The following CNTNAP2 variants were observed in gnomAD, a reference collection of about 807,000 sequenced individuals.
The protein encoded by CNTNAP2 is contactin associated protein 2.
Under a neutral mutation model 155.2 loss-of-function variants are expected in CNTNAP2, and 98 were observed. The observed-to-expected ratio is 0.63, with a 90% CI of 0.54 to 0.75. The LOEUF is 0.75. Ranked by LOEUF, CNTNAP2 falls within the 30% of genes least tolerant of loss-of-function variation. The pLI is 0.00. For missense variants in CNTNAP2, 1,727 were observed against 1,688.1 expected, an observed-to-expected ratio of 1.02 and a Z score of -0.40; for synonymous variants, 651 against 631.2, an observed-to-expected ratio of 1.03 and a Z score of -0.47.
At chr7:146,981,824 T>C (rs1400594312) in intron 3 of CNTNAP2, among the ~76,000 whole-genome samples, 2 of 152,200 alleles carry the variant, frequency 1.3e-5, no homozygotes, top group Admixed American at 6.5e-5. Context: ...ATTAAGTAGA[T>C]GAAGATGGTA....
intron 11 of CNTNAP2, among the ~76,000 whole-genome samples, chr7:147,522,988 T>C (rs376408255): frequency 6.6e-6 from 1 of 152,274 alleles, no homozygotes; most frequent in Non-Finnish European, 1.5e-5. Context: ...TTACTCCAGA[T>C]TGTAGTAGCC....
At chr7:147,298,884 A>T (rs543071445) in intron 8 of CNTNAP2, among the ~76,000 whole-genome samples, 1 of 152,352 alleles carries the variant, frequency 6.6e-6, no homozygotes, top group African/African-American at 2.4e-5. Context: ...CTCACAGGTT[A>T]TAGAAAAGCA....
chr7:146,372,479 C>T (rs1795249730), intron 1 of CNTNAP2, among the ~76,000 whole-genome samples: 1 of 151,902 alleles, frequency 6.6e-6, no homozygotes, highest in Admixed American at 6.6e-5. Context: ...CCTATATTAC[C>T]ATTCCTCCAT....
chr7:147,957,871 T>G (rs192069182), intron 14 of CNTNAP2, among the ~76,000 whole-genome samples: 5,732 of 151,886 alleles, frequency 0.038, 163 homozygotes, highest in South Asian at 0.13. Context: ...ACTCAGGAGT[T>G]GGAGACCAGT....
At chr7:147,718,511 A>T (rs1437287836) in intron 13 of CNTNAP2, among the ~76,000 whole-genome samples, 2 of 152,140 alleles carry the variant, frequency 1.3e-5, no homozygotes, top group African/African-American at 4.8e-5. Flanking sequence ...TTTTAAAGTG[A>T]ACCTCTTACA....
chr7:147,902,559 T>G (rs1463842422), intron 13 of CNTNAP2, among the ~76,000 whole-genome samples: 1 of 151,804 alleles, frequency 6.6e-6, no homozygotes, highest in Non-Finnish European at 1.5e-5. Context: ...CTCACCCCCT[T>G]CCCACCCTTT....
intron 13 of CNTNAP2, among the ~76,000 whole-genome samples, chr7:147,678,662 T>C (rs1387110261): frequency 6.6e-6 from 1 of 151,974 alleles, no homozygotes; most frequent in Non-Finnish European, 1.5e-5. Flanking sequence ...ATACACATTA[T>C]AATTTGCATT....
chr7:146,586,681 C>A (rs974725158), intron 1 of CNTNAP2, among the ~76,000 whole-genome samples: 1 of 152,214 alleles, frequency 6.6e-6, no homozygotes, highest in Non-Finnish European at 1.5e-5. Context: ...AAATAGTAGA[C>A]AGAAAACCAT....
intron 21 of CNTNAP2, among the ~76,000 whole-genome samples, chr7:148,364,036 T>C (rs1365925997): frequency 6.6e-6 from 1 of 152,220 alleles, no homozygotes; most frequent in Non-Finnish European, 1.5e-5. Context: ...GGGCCTTGGC[T>C]GCCTTCCCAT....
intron 1 of CNTNAP2, among the ~76,000 whole-genome samples, chr7:146,648,625 T>A (rs2129163138): frequency 6.6e-6 from 1 of 152,260 alleles, no homozygotes; most frequent in East Asian, 1.9e-4. Context: ...TTCTCAGATA[T>A]TTTGTAAGCA....
At chr7:146,717,879 T>G (rs2129176491) in intron 1 of CNTNAP2, among the ~76,000 whole-genome samples, 1 of 152,038 alleles carries the variant, frequency 6.6e-6, no homozygotes, top group Admixed American at 6.6e-5. Flanking sequence ...CGAGGCACAT[T>G]TGTGTTAGCA....
intron 8 of CNTNAP2, among the ~76,000 whole-genome samples, chr7:147,180,784 A>G (rs999060320): frequency 1.3e-5 from 2 of 152,216 alleles, no homozygotes; most frequent in African/African-American, 2.4e-5. Context: ...GATTGAAATG[A>G]CAATCAAATT....
At chr7:147,673,295 A>G (rs1563048271) in intron 13 of CNTNAP2, among the ~76,000 whole-genome samples, 1 of 152,220 alleles carries the variant, frequency 6.6e-6, no homozygotes, top group Non-Finnish European at 1.5e-5. Context: ...TGTGTGAGTT[A>G]GTTGGAGGTA....
At chr7:147,955,085 C>T (rs527595022) in intron 14 of CNTNAP2, among the ~76,000 whole-genome samples, 2 of 152,318 alleles carry the variant, frequency 1.3e-5, no homozygotes, top group South Asian at 4.1e-4. Context: ...TTTCCAAGTT[C>T]ACTGTAGGGA....
intron 13 of CNTNAP2, among the ~76,000 whole-genome samples, chr7:147,885,078 A>G (rs1799582542): frequency 6.6e-6 from 1 of 152,240 alleles, no homozygotes; most frequent in Non-Finnish European, 1.5e-5. Context: ...TGCAAAAGTA[A>G]TTGCAGTTTT....
chr7:146,189,691 G>A (rs1412728921), intron 1 of CNTNAP2, among the ~76,000 whole-genome samples: 1 of 152,102 alleles, frequency 6.6e-6, no homozygotes, highest in Non-Finnish European at 1.5e-5. Flanking sequence ...GAAGAGATAG[G>A]ACCATGGAGG....
chr7:146,773,248 T>C (rs1294562260), intron 1 of CNTNAP2, among the ~76,000 whole-genome samples: 1 of 152,206 alleles, frequency 6.6e-6, no homozygotes, highest in Non-Finnish European at 1.5e-5. Flanking sequence ...AAAAGCCAAG[T>C]GCAGAAAGTG....
At chr7:147,698,430 A>G (rs1451404989) in intron 13 of CNTNAP2, among the ~76,000 whole-genome samples, 1 of 152,226 alleles carries the variant, frequency 6.6e-6, no homozygotes, top group Non-Finnish European at 1.5e-5. Context: ...TCTATTATTG[A>G]TAGATTTGTT....
At position 146,421,427 on chromosome 7, in the gene CNTNAP2, T is replaced by C. The variant is rs547904091; in HGVS notation, c.97+304454T>C. 1.4e-4 allele frequency among the ~76,000 whole-genome samples: 21 copies of C among 152,124 alleles called. No individual in the cohort carries two copies. In the South Asian group the frequency reaches 4.3e-3, roughly 31 times the overall value. Reference sequence around the variant, plus strand: ...GTTATAATGATTAGTTAGAATAATATTAATGTGTATATACACAGAAGGTTT... The same window carrying C: ...GTTATAATGATTAGTTAGAATAATACTAATGTGTATATACACAGAAGGTTT... On this transcript the variant is annotated intron_variant, in intron 1 of 23. Transcript: ENST00000361727.
Sources: gnomAD v4.1 joint callset for allele counts (sites outside exome capture counted in the v4.1 genomes callset) on GRCh38, gnomAD v4.1.1 for gene constraint, MANE v1.5 for transcripts, NCBI Gene and HGNC (gene_info 2026-07-23, HGNC 2026-07-21) for gene names.